Variants in TRIP12 observed in about 807,000 individuals in gnomAD.
The protein encoded by TRIP12 is thyroid hormone receptor interactor 12, also known as E3 ubiquitin-protein ligase TRIP12.
In TRIP12, 25 loss-of-function variants were observed where a neutral mutation model predicts 244.2. The ratio of observed to expected loss-of-function variants is 0.10; its 90% CI spans 0.07 to 0.14. TRIP12 has a LOEUF of 0.14. Ranked by LOEUF, TRIP12 falls within the 10% of genes least tolerant of loss-of-function variation. The pLI is 1.00. For missense variants in TRIP12, 1,677 were observed against 2,486.4 expected, an observed-to-expected ratio of 0.67 and a Z score of 6.92; for synonymous variants, 905 against 873.1, an observed-to-expected ratio of 1.04 and a Z score of -0.64.
intron 9 of TRIP12, among the ~76,000 whole-genome samples, chr2:229,817,939 T>C (rs553433840): frequency 1.3e-5 from 2 of 152,280 alleles, no homozygotes; most frequent in East Asian, 3.9e-4. Flanking sequence ...ATATACCATA[T>C]GGCTTGAGTA....
chr2:229,797,867 T>G, intron 23 of TRIP12, 36 bp from the exon 24 acceptor site: 1 of 1,603,100 alleles, frequency 6.2e-7, no homozygotes, highest in Non-Finnish European at 8.5e-7. Flanking sequence ...AAAGTCCCAG[T>G]GTATGTAGAA....
intron 1 of TRIP12, among the ~76,000 whole-genome samples, chr2:229,884,577 C>G (rs147408390): frequency 6.6e-6 from 1 of 152,114 alleles, no homozygotes; most frequent in East Asian, 1.9e-4. Context: ...TAATATCATA[C>G]GCACACAAAG....
intron 1 of TRIP12, chr2:229,921,316 T>A (rs889808308): frequency 2.6e-5 from 4 of 152,842 alleles, no homozygotes; most frequent in African/African-American, 9.7e-5. Flanking sequence ...GACCCTCGCT[T>A]CCCACAACTG....
At chr2:229,858,646 A>G in intron 4 of TRIP12, 126 bp downstream of exon 4, 1 of 798,768 alleles carries the variant, frequency 1.3e-6, no homozygotes, top group Non-Finnish European at 1.9e-6. Flanking sequence ...AATTACACAG[A>G]CAGTAATACA....
intron 6 of TRIP12, among the ~76,000 whole-genome samples, chr2:229,834,733 C>G (rs1400359513): frequency 6.6e-6 from 1 of 151,928 alleles, no homozygotes; most frequent in African/African-American, 2.4e-5. Flanking sequence ...GCACTCCAAC[C>G]TGGGCAACAG....
rs780830711 is a variant in TRIP12 at position 229,802,471 on chromosome 2, C to T, written c.2999-12G>A. ...TTGATGCATTACACCTTTATAATAACAGAGATGAAAGGGAGTCAGTTTTAA... is the reference window on the plus strand; with the variant it reads ...TTGATGCATTACACCTTTATAATAATAGAGATGAAAGGGAGTCAGTTTTAA... On this transcript the variant is annotated splice_polypyrimidine_tract_variant and intron_variant, in intron 20 of 41. Transcript: ENST00000675903. 6.2e-7 allele frequency: 1 copy of T among 1,601,240 alleles called. No homozygotes were observed. Among genetic ancestry groups the T allele is most frequent in the African/African-American group, 1.3e-5 (1 of 74,624 alleles).
intron 20 of TRIP12, 56 bp downstream of exon 20, chr2:229,803,515 T>G (rs2045026896): frequency 3.3e-5 from 39 of 1,183,892 alleles, no homozygotes; most frequent in Non-Finnish European, 4.6e-5. Context: ...GATTAAAACT[T>G]TATTTCTGTT....
At chr2:229,846,911 G>A (rs908852302) in intron 4 of TRIP12, among the ~76,000 whole-genome samples, 11 of 152,146 alleles carry the variant, frequency 7.2e-5, no homozygotes, top group Admixed American at 7.2e-4. Context: ...TTTATAATGA[G>A]GAGAAACTAG....
At chr2:229,811,432 A>C (rs1400973310) in intron 13 of TRIP12, among the ~76,000 whole-genome samples, 1 of 151,924 alleles carries the variant, frequency 6.6e-6, no homozygotes, top group African/African-American at 2.4e-5. Context: ...GGCCCCTACT[A>C]GATAAAAGCA....
At chr2:229,771,377 G>A in intron 39 of TRIP12, 142 bp downstream of exon 39, 1 of 611,728 alleles carries the variant, frequency 1.6e-6, no homozygotes, top group Non-Finnish European at 2.8e-6. Flanking sequence ...CAATTTCCTT[G>A]TCTTTCCCAA....
In TRIP12 at chr2:229,859,277, C is replaced by T. The variant is rs2060105605; in HGVS notation, c.522G>A (p.Lys174=). 1.9e-6 allele frequency: 3 copies of T among 1,614,076 alleles called. No homozygotes were observed. The African/African-American group carries it at 4.0e-5, about 22-fold the overall frequency. Residue 174 remains lysine, a synonymous_variant, in exon 4 of 42, where the codon AAG becomes AAA. Transcript: ENST00000675903. ...TGGCCCCACTCTTCCTGGTATGAGC[C>T]TTGCTTGTTGATGGTGATTGTGCAG... is the stretch of plus-strand genomic sequence containing the variant. ...LKSAQSPSTS[K]AHTRKSGATG...
chr2:229,804,774 C>T (rs998124191), intron 18 of TRIP12, among the ~76,000 whole-genome samples: 5 of 152,118 alleles, frequency 3.3e-5, no homozygotes, highest in Non-Finnish European at 5.9e-5. Flanking sequence ...TTTATTAGAA[C>T]GCAGCCATGT....
intron 1 of TRIP12, among the ~76,000 whole-genome samples, chr2:229,905,652 T>C (rs1010812076): frequency 2.0e-5 from 3 of 152,220 alleles, no homozygotes; most frequent in African/African-American, 7.2e-5. Flanking sequence ...TATCACTGTC[T>C]TAAAGCCACA....
At chr2:229,856,541 A>T (rs1294400678) in intron 4 of TRIP12, among the ~76,000 whole-genome samples, 1 of 152,212 alleles carries the variant, frequency 6.6e-6, no homozygotes, top group Non-Finnish European at 1.5e-5. Flanking sequence ...CTCAAGTACA[A>T]TCTGCTATTG....
intron 5 of TRIP12, among the ~76,000 whole-genome samples, chr2:229,838,148 T>G (rs140470003): frequency 7.9e-5 from 12 of 152,062 alleles, no homozygotes; most frequent in African/African-American, 2.9e-4. Flanking sequence ...CTGAGAGCAC[T>G]GGAAGAGTTT....
At chr2:229,812,721 G>A (rs556833280) in intron 13 of TRIP12, among the ~76,000 whole-genome samples, 2 of 152,222 alleles carry the variant, frequency 1.3e-5, no homozygotes, top group East Asian at 1.9e-4. Context: ...CAGAAGAATC[G>A]CTTGAACCAG....
At chr2:229,899,584 A>G (rs943792052) in intron 1 of TRIP12, among the ~76,000 whole-genome samples, 1 of 152,202 alleles carries the variant, frequency 6.6e-6, no homozygotes, top group Admixed American at 6.5e-5. Flanking sequence ...CCAACGGAAG[A>G]CCAAAATGGA....
At position 229,829,112 on chromosome 2, in the gene TRIP12, T is replaced by A. The variant is rs539803870; in HGVS notation, c.1450+81A>T. 79 of 1,295,332 alleles carry A rather than the reference T, an allele frequency of 6.1e-5. No individual in the cohort carries two copies. The Admixed American group carries it at 1.5e-3, about 25-fold the overall frequency. 80.2% of individuals were successfully genotyped at this position (1,295,332 alleles called of 1,614,324 possible). On this transcript the variant is annotated intron_variant, in intron 8 of 41. Transcript: ENST00000675903. ...TTAAAGTTGATGAAAAACTTCTTAA[T>A]ACTTACATCAATAGGTTACAAGTAA... is the stretch of plus-strand genomic sequence containing the variant.
At chr2:229,813,097 T>A (rs1374053443) in intron 13 of TRIP12, among the ~76,000 whole-genome samples, 1 of 152,180 alleles carries the variant, frequency 6.6e-6, no homozygotes, top group Non-Finnish European at 1.5e-5. Flanking sequence ...ACCTAGATAA[T>A]CACTTTTGCT....
Sources: allele counts gnomAD v4.1 joint callset (sites outside exome capture counted in the v4.1 genomes callset), GRCh38; gene constraint gnomAD v4.1.1; transcripts MANE v1.5; gene names NCBI Gene and HGNC (gene_info 2026-07-23, HGNC 2026-07-21).